Variants in EFNA5 observed in about 807,000 individuals in gnomAD.
EFNA5 encodes ephrin-A5.
A neutral mutation model predicts 22.9 loss-of-function variants in EFNA5; 5 were observed. The ratio of observed to expected loss-of-function variants is 0.22; its 90% CI spans 0.11 to 0.46. The LOEUF is 0.46. EFNA5 is among the 20% of genes least tolerant of loss of function. The pLI is 0.99. For synonymous variants in EFNA5, 113 were observed against 112.2 expected, an observed-to-expected ratio of 1.01 and a Z score of -0.04; for missense variants, 237 against 293.3, an observed-to-expected ratio of 0.81 and a Z score of 1.40.
intron 1 of EFNA5, among the ~76,000 whole-genome samples, chr5:107,506,835 C>G (rs1368954933): frequency 6.6e-6 from 1 of 152,138 alleles, no homozygotes; most frequent in Admixed American, 6.5e-5. Context: ...AAAAAGACAG[C>G]TGAAACATTC....
intron 1 of EFNA5, among the ~76,000 whole-genome samples, chr5:107,588,241 A>G (rs999750013): frequency 6.6e-6 from 1 of 152,140 alleles, no homozygotes; most frequent in Non-Finnish European, 1.5e-5. Flanking sequence ...CGTTAAAAAA[A>G]AAAAGCAACA....
intron 1 of EFNA5, among the ~76,000 whole-genome samples, chr5:107,517,133 A>C (rs1165390353): frequency 1.3e-5 from 2 of 152,036 alleles, no homozygotes; most frequent in Non-Finnish European, 2.9e-5. Flanking sequence ...ATGGTATGTA[A>C]ATTACATCTC....
intron 1 of EFNA5, among the ~76,000 whole-genome samples, chr5:107,638,246 T>G (rs1750428001): frequency 6.6e-6 from 1 of 152,110 alleles, no homozygotes; most frequent in South Asian, 2.1e-4. Context: ...ACAAGAAATC[T>G]TATCAGAGAT....
At chr5:107,489,231 T>G (rs542602950) in intron 1 of EFNA5, among the ~76,000 whole-genome samples, 1 of 152,252 alleles carries the variant, frequency 6.6e-6, no homozygotes, top group East Asian at 1.9e-4. Flanking sequence ...TGGAATGCAG[T>G]AGGGCAATCT....
chr5:107,641,545 A>G (rs1015565290), intron 1 of EFNA5, among the ~76,000 whole-genome samples: 1 of 152,130 alleles, frequency 6.6e-6, no homozygotes, highest in Non-Finnish European at 1.5e-5. Flanking sequence ...GGGGAGAAAA[A>G]TAAAATCCTA....
chr5:107,390,988 G>T (rs1378465349), intron 2 of EFNA5, among the ~76,000 whole-genome samples: 1 of 152,000 alleles, frequency 6.6e-6, no homozygotes, highest in Non-Finnish European at 1.5e-5. Context: ...GCAAAACCCT[G>T]TCTCTACGAA....
At chr5:107,436,332 G>C (rs1414582182) in intron 1 of EFNA5, among the ~76,000 whole-genome samples, 1 of 152,168 alleles carries the variant, frequency 6.6e-6, no homozygotes, top group Non-Finnish European at 1.5e-5. Context: ...GGAAGCTTTG[G>C]GTGACAGTCT....
chr5:107,570,014 C>T lies in EFNA5; in HGVS notation c.125+100475G>A, dbSNP rs543294961. ...TAGGCCAGAATTATCTGGATTACTGCCCTAACTCTAGAAAGCTGACATAGC... is the reference window on the plus strand; with the variant it reads ...TAGGCCAGAATTATCTGGATTACTGTCCTAACTCTAGAAAGCTGACATAGC... On this transcript the variant is annotated intron_variant, in intron 1 of 4. Transcript: ENST00000333274. 2.0e-5 allele frequency among the ~76,000 whole-genome samples: 3 copies of T among 152,166 alleles called. No homozygotes were observed. In the South Asian group the frequency reaches 6.2e-4, roughly 32 times the overall value.
At chr5:107,587,142 T>C (rs1270619982) in intron 1 of EFNA5, among the ~76,000 whole-genome samples, 1 of 152,202 alleles carries the variant, frequency 6.6e-6, no homozygotes, top group Non-Finnish European at 1.5e-5. Flanking sequence ...AAAATCCTAA[T>C]AGCATCCAAA....
intron 1 of EFNA5, among the ~76,000 whole-genome samples, chr5:107,509,515 T>A (rs1747321449): frequency 6.8e-6 from 1 of 146,360 alleles, no homozygotes; most frequent in Admixed American, 6.9e-5. Flanking sequence ...GTATTTTTAG[T>A]GGAGACGGAG....
chr5:107,394,663 C>G (rs1747874968), intron 2 of EFNA5, among the ~76,000 whole-genome samples: 5 of 152,134 alleles, frequency 3.3e-5, no homozygotes, highest in Admixed American at 3.3e-4. Context: ...TATCTCTCTG[C>G]CCCCTTAAGG....
At chr5:107,506,346 C>T (rs1049126064) in intron 1 of EFNA5, among the ~76,000 whole-genome samples, 16 of 152,190 alleles carry the variant, frequency 1.1e-4, no homozygotes, top group African/African-American at 2.9e-4. Context: ...ATTAACCTGT[C>T]ATTGGAACAT....
At chr5:107,458,297 C>A (rs947769306) in intron 1 of EFNA5, among the ~76,000 whole-genome samples, 2 of 152,088 alleles carry the variant, frequency 1.3e-5, no homozygotes, top group Non-Finnish European at 2.9e-5. Context: ...TCACCTTGGA[C>A]TGTGGGGTAC....
intron 1 of EFNA5, among the ~76,000 whole-genome samples, chr5:107,497,028 A>G (rs576817183): frequency 1.3e-5 from 2 of 152,330 alleles, no homozygotes; most frequent in East Asian, 3.9e-4. Flanking sequence ...CATTGTCCCA[A>G]AGTAGGCACC....
intron 2 of EFNA5, among the ~76,000 whole-genome samples, chr5:107,410,818 C>A (rs1421156640): frequency 6.6e-6 from 1 of 152,170 alleles, no homozygotes; most frequent in Non-Finnish European, 1.5e-5. Flanking sequence ...ACTTATATGA[C>A]TGGCCCTAGA....
chr5:107,638,143 G>C (rs901765695), intron 1 of EFNA5, among the ~76,000 whole-genome samples: 3 of 151,850 alleles, frequency 2.0e-5, no homozygotes, highest in Non-Finnish European at 4.4e-5. Flanking sequence ...TTGAGCCATC[G>C]TGCCCGGCCA....
intron 1 of EFNA5, among the ~76,000 whole-genome samples, chr5:107,591,975 TAATATATAATATATA>T (rs1749362676): frequency 3.1e-5 from 1 of 32,264 alleles, no homozygotes; most frequent in African/African-American, 2.6e-4. Context: ...ATAATATATA[TAATATATAATATATA>T]ATATATATAA....
intron 4 of EFNA5, among the ~76,000 whole-genome samples, chr5:107,384,565 T>C (rs886273308): frequency 1.3e-5 from 2 of 152,078 alleles, no homozygotes; most frequent in Non-Finnish European, 1.5e-5. Context: ...AAATACCCTT[T>C]CACTCAGTGG....
chr5:107,528,981 A>T (rs1007498422), intron 1 of EFNA5, among the ~76,000 whole-genome samples: 3 of 152,156 alleles, frequency 2.0e-5, no homozygotes, highest in African/African-American at 7.2e-5. Flanking sequence ...CTTTTGTTTC[A>T]ATTATGTATA....
Sources: gnomAD v4.1 joint callset for allele counts (sites outside exome capture counted in the v4.1 genomes callset) on GRCh38, gnomAD v4.1.1 for gene constraint, MANE v1.5 for transcripts, NCBI Gene and HGNC (gene_info 2026-07-23, HGNC 2026-07-21) for gene names.